The following VMP1 variants were observed in gnomAD, a reference collection of about 807,000 sequenced individuals.
VMP1 encodes vacuole membrane protein 1, also known as ectopic P-granules autophagy protein 3 homolog.
VMP1 carries 11 observed loss-of-function variants against 56.0 expected under a neutral mutation model. That is an observed-to-expected ratio of 0.20 (90% CI 0.12 to 0.32). The LOEUF is 0.32. VMP1 is among the 10% of genes least tolerant of loss of function. The pLI is 1.00. For missense variants in VMP1, 296 were observed against 490.3 expected (o/e 0.60, Z 3.74); for synonymous variants, 149 against 165.0 (o/e 0.90, Z 0.74).
At chr17:59,727,859 GT>G (rs1232551174) in intron 1 of VMP1, among the ~76,000 whole-genome samples, 1 of 152,100 alleles carries the variant, frequency 6.6e-6, no homozygotes, top group Admixed American at 6.6e-5. Flanking sequence ...GGCAATTATT[GT>G]CCTCATTTTG....
In VMP1 at chr17:59,737,441, T is replaced by C. The variant is rs373947335; in HGVS notation, c.213-12T>C. ...GACTGTGAGATATTTATTTTTTTTA[T>C]TTGTTTTTAAGATTATGGCATCGTC... On this transcript the variant is annotated splice_polypyrimidine_tract_variant and intron_variant, in intron 3 of 11. Transcript: ENST00000262291. 6.7e-5 allele frequency: 108 copies of C among 1,600,324 alleles called. 1 individual carries two copies. Among genetic ancestry groups the C allele is most frequent in the Middle Eastern group, 5.0e-4 (3 of 6,032 alleles).
At chr17:59,742,803 A>G (rs1489887900) in intron 5 of VMP1, among the ~76,000 whole-genome samples, 1 of 152,148 alleles carries the variant, frequency 6.6e-6, no homozygotes, top group Non-Finnish European at 1.5e-5. Flanking sequence ...TTAGATCAGC[A>G]GCAGCATCAG....
chr17:59,751,960 G>GCCT (rs2035669119), intron 5 of VMP1, among the ~76,000 whole-genome samples: 1 of 151,930 alleles, frequency 6.6e-6, no homozygotes, highest in Non-Finnish European at 1.5e-5. Flanking sequence ...GACTACAGGT[G>GCCT]TGCACCACTA....
intron 10 of VMP1, among the ~76,000 whole-genome samples, chr17:59,835,454 T>C (rs1272491421): frequency 4.6e-5 from 7 of 151,706 alleles, no homozygotes; most frequent in Admixed American, 4.6e-4. Flanking sequence ...AAAACATTGA[T>C]TTATGAGAAG....
intron 9 of VMP1, among the ~76,000 whole-genome samples, chr17:59,815,026 C>A (rs1022053674): frequency 6.6e-6 from 1 of 152,112 alleles, no homozygotes; most frequent in Non-Finnish European, 1.5e-5. Context: ...TAATAGTAAA[C>A]CTGTCTCCTT....
chr17:59,785,928 C>T (rs1227935424), intron 7 of VMP1, among the ~76,000 whole-genome samples: 1 of 151,938 alleles, frequency 6.6e-6, no homozygotes, highest in Non-Finnish European at 1.5e-5. Flanking sequence ...GCTACCTACT[C>T]TGTATGTTGA....
At chr17:59,742,798 T>A (rs797009589) in intron 5 of VMP1, among the ~76,000 whole-genome samples, 3 of 152,242 alleles carry the variant, frequency 2.0e-5, no homozygotes, top group African/African-American at 7.2e-5. Context: ...TCCTGTTAGA[T>A]CAGCAGCAGC....
chr17:59,833,677 A>G (rs1298070810), intron 10 of VMP1, among the ~76,000 whole-genome samples: 5 of 152,200 alleles, frequency 3.3e-5, no homozygotes, highest in South Asian at 2.1e-4. Flanking sequence ...GATGTACTCT[A>G]TCAGCTAAAA....
At chr17:59,827,058 A>G (rs1171498274) in intron 10 of VMP1, among the ~76,000 whole-genome samples, 2 of 152,152 alleles carry the variant, frequency 1.3e-5, no homozygotes, top group Non-Finnish European at 2.9e-5. Flanking sequence ...ATTTAAGTGC[A>G]TTTTTTCCCC....
At chr17:59,811,923 A>G (rs2038064152) in intron 9 of VMP1, 137 bp downstream of exon 9, 3 of 609,532 alleles carry the variant, frequency 4.9e-6, no homozygotes, top group Non-Finnish European at 8.7e-6. Flanking sequence ...AATACCACAT[A>G]GAATGTCATT....
At chr17:59,752,818 TTTG>T (rs1376002943) in intron 5 of VMP1, among the ~76,000 whole-genome samples, 3 of 152,198 alleles carry the variant, frequency 2.0e-5, no homozygotes, top group Non-Finnish European at 2.9e-5. Flanking sequence ...ATTAGGGATT[TTTG>T]TTAAGTAGAT....
chr17:59,717,461 C>T (rs1302566146), intron 1 of VMP1, among the ~76,000 whole-genome samples: 1 of 152,076 alleles, frequency 6.6e-6, no homozygotes, highest in Non-Finnish European at 1.5e-5. Context: ...AGGCCCACTG[C>T]AACCTCCACC....
In VMP1 at chr17:59,730,843, G is replaced by GT. The variant is rs545256374; in HGVS notation, c.-26-567dup. ...AACTATCTTAAACATTTCAAGTTTG[G>GT]TTTTTTTTTTTGCCCATATCATTTT... On this transcript the variant is annotated intron_variant, in intron 1 of 11. Coordinates refer to ENST00000262291, the MANE Select transcript of VMP1 (RefSeq NM_030938.5). Among the ~76,000 whole-genome samples, 421 of 142,382 alleles carry GT rather than the reference G, an allele frequency of 3.0e-3. 4 individuals carry two copies. The highest frequency in any genetic ancestry group is 7.1e-3 in the South Asian group (32 of 4,524). The allele number at this position is 142,382 out of a possible 152,430, so 93.4% of individuals were successfully genotyped here.
rs2039163371 is a variant in VMP1 at position 59,841,740 on chromosome 17, G to T, written c.*1829G>T. On this transcript the variant is annotated 3_prime_UTR_variant, in exon 12 of 12. Transcript: ENST00000262291. ...ATTTCTAAGTCAGCCTCTAGTCGTGGTTCATCTCTTTCACCTGCATTTTAT... is the reference window on the plus strand; with the variant it reads ...ATTTCTAAGTCAGCCTCTAGTCGTGTTTCATCTCTTTCACCTGCATTTTAT... 6.6e-6 allele frequency: 1 copy of T among 152,362 alleles called. No homozygotes were observed. The highest frequency in any genetic ancestry group is 1.5e-5 in the Non-Finnish European group (1 of 68,246). 9.4% of individuals were successfully genotyped at this position (152,362 alleles called of 1,614,324 possible).
intron 7 of VMP1, among the ~76,000 whole-genome samples, chr17:59,796,225 C>T (rs1410333098): frequency 6.6e-6 from 1 of 152,182 alleles, no homozygotes; most frequent in East Asian, 1.9e-4. Flanking sequence ...TCTCTCACCT[C>T]CTTGAGAATT....
intron 10 of VMP1, among the ~76,000 whole-genome samples, chr17:59,833,341 A>G (rs2038877587): frequency 6.6e-6 from 1 of 152,176 alleles, no homozygotes; most frequent in African/African-American, 2.4e-5. Context: ...AAGCTGAGGC[A>G]TCAGTAGCCT....
At chr17:59,737,578 A>T in intron 4 of VMP1, 35 bp downstream of exon 4, 1 of 1,548,368 alleles carries the variant, frequency 6.5e-7, no homozygotes, top group Non-Finnish European at 8.8e-7. Context: ...CTAGTCTTGC[A>T]CATTCTCTAA....
intron 10 of VMP1, among the ~76,000 whole-genome samples, chr17:59,821,643 C>T (rs533296289): frequency 5.8e-4 from 88 of 150,496 alleles, no homozygotes; most frequent in Non-Finnish European, 1.0e-3. Flanking sequence ...ACCTCCGCCT[C>T]CTGGGTTCAA....
intron 9 of VMP1, among the ~76,000 whole-genome samples, chr17:59,814,236 C>T (rs183364001): frequency 1.1e-3 from 171 of 152,314 alleles, no homozygotes; most frequent in African/African-American, 3.8e-3. Flanking sequence ...CTTGGCCTCC[C>T]AAAGTGCTGG....
Sources: gnomAD v4.1 joint callset for allele counts (sites outside exome capture counted in the v4.1 genomes callset) on GRCh38, gnomAD v4.1.1 for gene constraint, MANE v1.5 for transcripts, NCBI Gene and HGNC (gene_info 2026-07-23, HGNC 2026-07-21) for gene names.